The following NR2C2 variants were observed in gnomAD, a reference collection of about 807,000 sequenced individuals.
The protein encoded by NR2C2 is nuclear receptor subfamily 2 group C member 2.
NR2C2 carries 6 observed loss-of-function variants against 62.9 expected under a neutral mutation model. The observed-to-expected ratio is 0.10, with a 90% CI of 0.05 to 0.19. The LOEUF (loss-of-function observed/expected upper bound fraction) is 0.19. Among genes scored for constraint, NR2C2 ranks in the 10% least tolerant of loss-of-function variants. The probability of loss-of-function intolerance (pLI) is 1.00; values close to 1 mark genes in which losing one functional copy is unlikely to be tolerated. For synonymous variants in NR2C2, 272 were observed against 273.8 expected (o/e 0.99, Z 0.07); for missense variants, 479 against 762.7 (o/e 0.63, Z 4.38).
chr3:15,002,961 A>G (rs796530837), intron 1 of NR2C2, among the ~76,000 whole-genome samples: 5 of 141,712 alleles, frequency 3.5e-5, no homozygotes, highest in African/African-American at 1.3e-4. Flanking sequence ...GCCGACCCAC[A>G]ATACACTTTT....
intron 1 of NR2C2, among the ~76,000 whole-genome samples, chr3:14,984,764 T>G (rs1291921079): frequency 6.6e-6 from 1 of 152,322 alleles, no homozygotes; most frequent in East Asian, 1.9e-4. Context: ...TGTATGTCTT[T>G]GTGAGAACAT....
intron 3 of NR2C2, among the ~76,000 whole-genome samples, chr3:15,014,126 C>G (rs1438161790): frequency 6.6e-6 from 1 of 152,194 alleles, no homozygotes; most frequent in African/African-American, 2.4e-5. Flanking sequence ...AAAGGTACCA[C>G]CTAGGGCTGA....
At chr3:14,973,267 T>C (rs2040103291) in intron 1 of NR2C2, among the ~76,000 whole-genome samples, 1 of 152,102 alleles carries the variant, frequency 6.6e-6, no homozygotes, top group South Asian at 2.1e-4. Flanking sequence ...GCTCTGTCAC[T>C]CAGGCTGGAA....
chr3:14,996,364 T>C (rs1297470942), intron 1 of NR2C2, among the ~76,000 whole-genome samples: 1 of 150,858 alleles, frequency 6.6e-6, no homozygotes, highest in Non-Finnish European at 1.5e-5. Context: ...CATTGTATCA[T>C]GTGTAGCAAA....
At chr3:14,957,584 A>G (rs1029428974) in intron 1 of NR2C2, among the ~76,000 whole-genome samples, 4 of 152,068 alleles carry the variant, frequency 2.6e-5, no homozygotes, top group African/African-American at 4.8e-5. Flanking sequence ...CTGTATTACA[A>G]TTTTTTATTT....
intron 1 of NR2C2, among the ~76,000 whole-genome samples, chr3:14,989,990 T>A (rs1282196439): frequency 3.4e-5 from 5 of 147,636 alleles, no homozygotes; most frequent in Admixed American, 6.8e-5. Flanking sequence ...TAGTCCTGGC[T>A]ACTCTGAGAG....
At chr3:14,954,695 T>A (rs75808125) in intron 1 of NR2C2, among the ~76,000 whole-genome samples, 2,411 of 152,288 alleles carry the variant, frequency 0.016, 68 homozygotes, top group African/African-American at 0.054. Flanking sequence ...AGAGAAGTTA[T>A]TGACTATGGG....
chr3:14,972,039 C>T (rs1271280651), intron 1 of NR2C2, among the ~76,000 whole-genome samples: 1 of 151,716 alleles, frequency 6.6e-6, no homozygotes, highest in Non-Finnish European at 1.5e-5. Context: ...GAACTCCTGA[C>T]CTCAGGTGAT....
intron 1 of NR2C2, among the ~76,000 whole-genome samples, chr3:14,969,042 C>T (rs1434358789): frequency 6.9e-6 from 1 of 144,696 alleles, no homozygotes. Flanking sequence ...TGCTAGATGA[C>T]GAGTTAGTGG....
intron 1 of NR2C2, among the ~76,000 whole-genome samples, chr3:14,968,635 G>A (rs1251188310): frequency 3.0e-4 from 44 of 147,038 alleles, no homozygotes; most frequent in African/African-American, 1.0e-3. Context: ...CCATTACTGG[G>A]TATATACCCA....
Position 15,044,282 on chromosome 3 carries a change from G to A in NR2C2, c.*1274G>A, listed in dbSNP as rs960953814. 6.6e-6 allele frequency: 1 copy of A among 152,320 alleles called. No individual in the cohort carries two copies. Among genetic ancestry groups the A allele is most frequent in the East Asian group, 1.9e-4 (1 of 5,188 alleles). The allele number at this position is 152,320 out of a possible 1,614,324, so 9.4% of individuals were successfully genotyped here. A position where few individuals can be genotyped will look rare whatever the true frequency, so the allele number is the denominator to read the frequency against. On this transcript the variant is annotated 3_prime_UTR_variant, in exon 14 of 14. Transcript: ENST00000425241. Reference sequence around the variant, plus strand: ...ACTCAGCATCTCTGTTGGCAAGTCTGTTAATGTTACCAGCACACTGTGCAC... The same window carrying A: ...ACTCAGCATCTCTGTTGGCAAGTCTATTAATGTTACCAGCACACTGTGCAC...
chr3:14,970,189 G>A (rs1046914187), intron 1 of NR2C2, among the ~76,000 whole-genome samples: 2 of 129,390 alleles, frequency 1.5e-5, no homozygotes, highest in African/African-American at 6.0e-5. Flanking sequence ...TTAACTTCAT[G>A]CTTTAAAAAA....
chr3:15,036,521 C>T lies in NR2C2; in HGVS notation c.1373-1479C>T, dbSNP rs547629431. ...TTGTTTGTTTGTTTTTTGATACAGT[C>T]TCTCTGTGTTGCCAGGCTGGAGTGC... On this transcript the variant is annotated intron_variant, in intron 11 of 13. Transcript: ENST00000425241. Among the ~76,000 whole-genome samples, 3 of 152,238 alleles carry T rather than the reference C, an allele frequency of 2.0e-5. No homozygotes were observed. The South Asian group carries it at 6.2e-4, about 32-fold the overall frequency.
At chr3:14,972,861 CA>C (rs551405014) in intron 1 of NR2C2, among the ~76,000 whole-genome samples, 1 of 152,110 alleles carries the variant, frequency 6.6e-6, no homozygotes, top group South Asian at 2.1e-4. Flanking sequence ...CACTTTTAAA[CA>C]ACCAGATCTC....
rs928885896 is a variant in NR2C2, at chr3:15,048,281, T to G, written c.*5273T>G. 2 of 152,658 alleles carry G rather than the reference T, an allele frequency of 1.3e-5. No homozygotes were observed. The highest frequency in any genetic ancestry group is 4.8e-5 in the African/African-American group (2 of 41,460). 9.5% of individuals were successfully genotyped at this position (152,658 alleles called of 1,614,324 possible). On this transcript the variant is annotated 3_prime_UTR_variant, in exon 14 of 14. Coordinates refer to ENST00000425241, the MANE Select transcript of NR2C2 (RefSeq NM_001291694.2). ...TGTGCGACCTTTCCCCGTCATAGCCTGTCGTGACAATCACGCTATTGAAAG... is the reference window on the plus strand; with the variant it reads ...TGTGCGACCTTTCCCCGTCATAGCCGGTCGTGACAATCACGCTATTGAAAG...
chr3:14,954,867 GCCGCC>G, intron 1 of NR2C2, among the ~76,000 whole-genome samples: 1 of 152,268 alleles, frequency 6.6e-6, no homozygotes, highest in Admixed American at 6.5e-5. Context: ...GTCTCCCTCT[GCCGCC>G]CAGGCCGGAG....
intron 13 of NR2C2, among the ~76,000 whole-genome samples, chr3:15,040,942 A>G (rs2042243068): frequency 6.6e-6 from 1 of 152,208 alleles, no homozygotes; most frequent in Non-Finnish European, 1.5e-5. Flanking sequence ...GGCTACTGGC[A>G]GAGCCACAGC....
In NR2C2 at chr3:15,020,924, A is replaced by G; in HGVS notation, c.548A>G (p.Lys183Arg). The G allele has an allele frequency of 6.2e-7, 1 of 1,614,002 alleles. No individual in the cohort carries two copies. Among genetic ancestry groups the G allele is most frequent in the Non-Finnish European group, 8.5e-7 (1 of 1,179,850 alleles). ...RLKKCLEMGM[K>R]MESVQSERKP... The stretch of plus-strand genomic sequence containing the variant: ...AAAAAATGCTTAGAGATGGGCATGA[A>G]AATGGAATGTGAGTAACAATATTTA... Residue 183 changes from lysine to arginine, a missense_variant, in exon 5 of 14, where the codon AAA becomes AGA. By Grantham distance (26) the Lys-to-Arg change is conservative. Around this residue, in one of 4 missense-constraint regions of NR2C2, gnomAD observed 51 missense variants for 137.5 expected, o/e 0.37. Coordinates refer to ENST00000425241, the MANE Select transcript of NR2C2 (RefSeq NM_001291694.2).
intron 1 of NR2C2, among the ~76,000 whole-genome samples, chr3:14,973,028 C>G (rs1181407941): frequency 2.0e-5 from 3 of 152,162 alleles, no homozygotes; most frequent in African/African-American, 7.2e-5. Flanking sequence ...GGGAACAGAT[C>G]CAAACCATAT....
Sources: allele counts gnomAD v4.1 joint callset (sites outside exome capture counted in the v4.1 genomes callset), GRCh38; gene constraint gnomAD v4.1.1; regional missense constraint gnomAD v4.1.1; transcripts MANE v1.5; gene names NCBI Gene and HGNC (gene_info 2026-07-23, HGNC 2026-07-21).